Variants in TTC34 observed in about 807,000 individuals in gnomAD.
The protein encoded by TTC34 is tetratricopeptide repeat domain 34, also known as tetratricopeptide repeat protein 34.
In TTC34, 44 loss-of-function variants were observed where a neutral mutation model predicts 40.7. That is an observed-to-expected ratio of 1.08 (90% confidence interval 0.85 to 1.39). The LOEUF is 1.39. TTC34 is among the 40% of genes most tolerant of loss of function. TTC34 has a pLI of 0.00. For synonymous variants in TTC34, 422 were observed against 398.6 expected, an observed-to-expected ratio of 1.06 and a Z score of -0.70; for missense variants, 884 against 838.0, an observed-to-expected ratio of 1.05 and a Z score of -0.68.
At chr1:2,747,756 A>AC (rs1641200253) in intron 6 of TTC34, among the ~76,000 whole-genome samples, 66 of 119,486 alleles carry the variant, frequency 5.5e-4, no homozygotes, top group Non-Finnish European at 7.6e-4. Context: ...CAGCACCCAC[A>AC]CCCCCAGGTG....
exon 3 of TTC34, chr1:2,789,506 T>A (rs1305522384): frequency 6.6e-7 from 1 of 1,505,640 alleles, no homozygotes; most frequent in Non-Finnish European, 8.8e-7. Context: ...TCCTCACCCC[T>A]CCTGCGTGGT....
intron 6 of TTC34, among the ~76,000 whole-genome samples, chr1:2,686,475 CCACATG>C (rs1640354021): frequency 7.1e-5 from 10 of 140,400 alleles, no homozygotes; most frequent in African/African-American, 2.9e-4. Flanking sequence ...GGAACAGCAC[CCACATG>C]CCCAGCTGAG....
chr1:2,682,920 A>G (rs1239974512), intron 6 of TTC34, among the ~76,000 whole-genome samples: 4 of 151,896 alleles, frequency 2.6e-5, no homozygotes, highest in Non-Finnish European at 2.9e-5. Flanking sequence ...CCCCCAGGTG[A>G]GCATCTGACA....
exon 8 of TTC34, chr1:2,644,427 G>A (rs1638977039): frequency 6.5e-7 from 1 of 1,536,038 alleles, no homozygotes. Flanking sequence ...CTCTGACGTT[G>A]GGGCACGGTG....
chr1:2,752,266 G>A (rs1355670822), intron 6 of TTC34, among the ~76,000 whole-genome samples: 1 of 107,558 alleles, frequency 9.3e-6, no homozygotes, highest in African/African-American at 4.5e-5. Context: ...CTGAGCCTCT[G>A]ACAGCCTGGA....
chr1:2,798,948 A>G (rs2100638084), intron 2 of TTC34, among the ~76,000 whole-genome samples: 1 of 113,560 alleles, frequency 8.8e-6, no homozygotes, highest in South Asian at 3.2e-4. Context: ...CCAGCCTCTC[A>G]GCCTCCAAGC....
intron 6 of TTC34, among the ~76,000 whole-genome samples, chr1:2,683,549 A>ACT (rs1640178500): frequency 7.5e-6 from 1 of 133,288 alleles, no homozygotes; most frequent in African/African-American, 2.9e-5. Flanking sequence ...AGCAGCACCC[A>ACT]CAACCACAGG....
At chr1:2,687,898 C>T (rs1046640945) in intron 6 of TTC34, among the ~76,000 whole-genome samples, 1 of 151,744 alleles carries the variant, frequency 6.6e-6, no homozygotes, top group Non-Finnish European at 1.5e-5. Context: ...CCCAGGTGAG[C>T]ATCTGACAGA....
rs546828295 is a variant in TTC34, at chr1:2,785,756, A to T, written c.2059+63T>A. ...GTCCCCACCAACCAGCATGGCAGAG[A>T]CTCCCCATGTCCCCTGTGCCTGGCA... On this transcript the variant is annotated intron_variant, in intron 5 of 8. Coordinates refer to ENST00000401095, the Ensembl canonical transcript of TTC34. 8 of 1,473,056 alleles carry T rather than the reference A, an allele frequency of 5.4e-6. No homozygotes were observed. In the Admixed American group the frequency reaches 1.9e-4, roughly 35 times the overall value. 91.2% of individuals were successfully genotyped at this position (1,473,056 alleles called of 1,614,324 possible).
chr1:2,792,033 TAAA>T (rs1643669407), intron 2 of TTC34, among the ~76,000 whole-genome samples: 1 of 107,104 alleles, frequency 9.3e-6, no homozygotes, highest in Non-Finnish European at 1.8e-5. Context: ...TTTTTTTTTT[TAAA>T]GACAGGGTCT....
chr1:2,644,270 A>T, exon 8 of TTC34: 1 of 1,533,564 alleles, frequency 6.5e-7, no homozygotes, highest in Middle Eastern at 1.9e-4. Flanking sequence ...GCACCTGGGC[A>T]AGGCTCTGCC....
At position 2,643,060 on chromosome 1, in the gene TTC34, C is replaced by A. The variant is rs533254237; in HGVS notation, c.2713-1165G>T. Among the ~76,000 whole-genome samples the A allele has an allele frequency of 2.6e-5, 4 of 152,318 alleles. No homozygotes were observed. In the East Asian group the frequency reaches 7.7e-4, roughly 29 times the overall value. On this transcript the variant is annotated intron_variant, in intron 8 of 8. Coordinates refer to ENST00000401095, the Ensembl canonical transcript of TTC34. ...AGCCTCGGCCCGCGCAGGACCCGCA[C>A]ATTTGGGCCGGGTCCATGGCAGCAG...
chr1:2,681,163 A>C (rs1391143114), intron 6 of TTC34, among the ~76,000 whole-genome samples: 4 of 113,896 alleles, frequency 3.5e-5, no homozygotes, highest in Admixed American at 8.3e-5. Flanking sequence ...AGCATCTGAC[A>C]ACCTGGAGCA....
intron 6 of TTC34, among the ~76,000 whole-genome samples, chr1:2,674,282 CG>C (rs1370017708): frequency 4.9e-5 from 4 of 80,896 alleles, no homozygotes; most frequent in Non-Finnish European, 1.2e-4. Context: ...CCCATATCCC[CG>C]GGTGAGCATC....
chr1:2,694,149 C>A (rs796686124), intron 6 of TTC34, among the ~76,000 whole-genome samples: 6,391 of 31,086 alleles, frequency 0.21, 50 homozygotes, highest in Middle Eastern at 0.25. Context: ...GCACACACAC[C>A]CCCAGGCGAG....
intron 6 of TTC34, among the ~76,000 whole-genome samples, chr1:2,652,929 C>G (rs1570755015): frequency 6.6e-6 from 1 of 152,292 alleles, no homozygotes; most frequent in Non-Finnish European, 1.5e-5. Context: ...GCCCACACCC[C>G]CAGGCGAGCA....
intron 6 of TTC34, among the ~76,000 whole-genome samples, chr1:2,752,916 C>A (rs1431156428): frequency 1.6e-4 from 22 of 136,008 alleles, no homozygotes; most frequent in African/African-American, 5.5e-4. Context: ...CATCCGACAT[C>A]CTGAAACAGC....
At chr1:2,751,378 C>A (rs1641313578) in intron 6 of TTC34, among the ~76,000 whole-genome samples, 4 of 148,954 alleles carry the variant, frequency 2.7e-5, no homozygotes, top group South Asian at 2.2e-4. Flanking sequence ...CCCAGGTGCG[C>A]ATCTGATGGT....
chr1:2,757,009 C>A (rs1641528937), intron 6 of TTC34, among the ~76,000 whole-genome samples: 3,600 of 109,018 alleles, frequency 0.033, no homozygotes, highest in African/African-American at 0.047. Flanking sequence ...CTCTGACAGC[C>A]TGGAACAGCA....
Sources: gnomAD v4.1 joint callset for allele counts (sites outside exome capture counted in the v4.1 genomes callset) on GRCh38, gnomAD v4.1.1 for gene constraint, MANE v1.5 for transcripts, NCBI Gene and HGNC (gene_info 2026-07-23, HGNC 2026-07-21) for gene names.